ARSB: variants seen among roughly 807,000 people sequenced by gnomAD.
ARSB encodes the protein arylsulfatase B, also known as N-acetylgalactosamine-4-sulfatase.
A neutral mutation model predicts 50.9 loss-of-function variants in ARSB; 41 were observed. The observed-to-expected ratio is 0.81, with a 90% confidence interval of 0.63 to 1.04. The LOEUF (loss-of-function observed/expected upper bound fraction) is 1.04, where lower values mean the gene tolerates loss of function less well. Ranked by LOEUF, ARSB falls within the 50% of genes least tolerant of loss-of-function variation. The probability of loss-of-function intolerance (pLI) is 0.00; values close to 1 mark genes in which losing one functional copy is unlikely to be tolerated. For missense variants in ARSB, 672 were observed against 693.3 expected, an observed-to-expected ratio of 0.97 and a Z score of 0.35; for synonymous variants, 269 against 284.8, an observed-to-expected ratio of 0.94 and a Z score of 0.56.
At chr5:78,965,285 T>C (rs897368519) in intron 2 of ARSB, among the ~76,000 whole-genome samples, 9 of 137,850 alleles carry the variant, frequency 6.5e-5, no homozygotes, top group Non-Finnish European at 1.2e-4. Flanking sequence ...AAAATGGGTT[T>C]TCTCAAATAT....
intron 6 of ARSB, among the ~76,000 whole-genome samples, chr5:78,789,909 G>T (rs1189405732): frequency 6.6e-6 from 1 of 152,180 alleles, no homozygotes; most frequent in Admixed American, 6.5e-5. Context: ...GCTTCCCCAA[G>T]ACAGAAAGAA....
rs143089525 is a variant in ARSB at position 78,859,140 on chromosome 5, T to C, written c.1143-19714A>G. Among the ~76,000 whole-genome samples the C allele has an allele frequency of 3.8e-3, 575 of 152,226 alleles. 2 individuals carry two copies. Among genetic ancestry groups the C allele is most frequent in the Non-Finnish European group, 6.6e-3 (448 of 68,004 alleles). ...GCAGGTGATATTTGGTTTGTGTAAA[T>C]CCCATGCTTCCTGAAAAGCCATTTC... On this transcript the variant is annotated intron_variant, in intron 5 of 7. Coordinates refer to ENST00000264914, the MANE Select transcript of ARSB (RefSeq NM_000046.5).
intron 6 of ARSB, among the ~76,000 whole-genome samples, chr5:78,805,594 C>T (rs972173744): frequency 1.1e-4 from 17 of 152,164 alleles, no homozygotes; most frequent in Admixed American, 1.1e-3. Context: ...CTTCTCAGCA[C>T]TGGGTGTTTC....
At chr5:78,964,313 T>G in intron 3 of ARSB, 103 bp downstream of exon 3, 1 of 1,151,418 alleles carries the variant, frequency 8.7e-7, no homozygotes, top group Non-Finnish European at 1.3e-6. Context: ...TCCCTAGAAT[T>G]TATTAGATTT....
Position 78,893,766 on chromosome 5 carries a change from A to G in ARSB, c.899-7939T>C, listed in dbSNP as rs868676275. On this transcript the variant is annotated intron_variant, in intron 4 of 7. Coordinates refer to ENST00000264914, the MANE Select transcript of ARSB (RefSeq NM_000046.5). ...TCACTTAGGAGGTATGGGTAATGCA[A>G]GGTTTGATCTTCATATTCAGAATCC... Among the ~76,000 whole-genome samples, 16 of 152,340 alleles carry G rather than the reference A, an allele frequency of 1.1e-4. No individual in the cohort carries two copies. In the South Asian group the frequency reaches 2.9e-3, roughly 28 times the overall value.
At chr5:78,891,267 G>T (rs1017583705) in intron 4 of ARSB, among the ~76,000 whole-genome samples, 5 of 152,184 alleles carry the variant, frequency 3.3e-5, no homozygotes, top group African/African-American at 1.2e-4. Context: ...TCTACATACT[G>T]CTGCTTAAAC....
At position 78,899,745 on chromosome 5, in the gene ARSB, C is replaced by A. The variant is rs1312896395; in HGVS notation, c.899-13918G>T. ...GCTTTTCTGTATTATCTTGGAGATACCTGAGTTTCCTTAAAACTGCTATTT... is the reference window on the plus strand; with the variant it reads ...GCTTTTCTGTATTATCTTGGAGATAACTGAGTTTCCTTAAAACTGCTATTT... On this transcript the variant is annotated intron_variant, in intron 4 of 7. Transcript: ENST00000264914. 2.0e-5 allele frequency among the ~76,000 whole-genome samples: 3 copies of A among 152,146 alleles called. No homozygotes were observed. The East Asian group carries it at 5.8e-4, about 29-fold the overall frequency.
intron 5 of ARSB, among the ~76,000 whole-genome samples, chr5:78,845,445 A>G (rs1398950773): frequency 6.6e-6 from 1 of 151,978 alleles, no homozygotes; most frequent in Non-Finnish European, 1.5e-5. Context: ...TTTTTTGAGG[A>G]GCCTTCATAT....
At chr5:78,803,777 G>A (rs939917574) in intron 6 of ARSB, among the ~76,000 whole-genome samples, 1 of 152,258 alleles carries the variant, frequency 6.6e-6, no homozygotes, top group Non-Finnish European at 1.5e-5. Context: ...ATATAGTAAT[G>A]TATTCGTTTC....
intron 5 of ARSB, among the ~76,000 whole-genome samples, chr5:78,852,001 T>C (rs1004131010): frequency 6.6e-6 from 1 of 152,246 alleles, no homozygotes; most frequent in Admixed American, 6.5e-5. Context: ...TAATGGGTCT[T>C]GACTCTTTAT....
At chr5:78,925,651 T>TA (rs1750010206) in intron 4 of ARSB, among the ~76,000 whole-genome samples, 1 of 152,306 alleles carries the variant, frequency 6.6e-6, no homozygotes, top group African/African-American at 2.4e-5. Context: ...TTCAGAACAG[T>TA]ATGTTCTGTC....
chr5:78,933,286 G>A (rs904621712), intron 4 of ARSB, among the ~76,000 whole-genome samples: 17 of 152,130 alleles, frequency 1.1e-4, no homozygotes, highest in African/African-American at 3.9e-4. Flanking sequence ...AGCTTCCTAC[G>A]TATTTTTCTG....
intron 7 of ARSB, among the ~76,000 whole-genome samples, chr5:78,781,323 C>CTTTTTTTTTT (rs376851173): frequency 1.0e-3 from 77 of 75,356 alleles, no homozygotes; most frequent in East Asian, 2.3e-3. Context: ...CTCTCTCTCT[C>CTTTTTTTTTT]TTTTTTTTTT....
At chr5:78,976,124 C>T (rs965056288) in intron 1 of ARSB, among the ~76,000 whole-genome samples, 16 of 151,768 alleles carry the variant, frequency 1.1e-4, no homozygotes, top group Admixed American at 3.3e-4. Context: ...TGCCTCCAAG[C>T]GATATCAAGA....
At chr5:78,818,845 C>G (rs1048406549) in intron 6 of ARSB, among the ~76,000 whole-genome samples, 3 of 152,004 alleles carry the variant, frequency 2.0e-5, no homozygotes, top group Admixed American at 1.3e-4. Context: ...CCTTAAGCAA[C>G]CTTGCTCAAT....
intron 6 of ARSB, 54 bp from the exon 7 acceptor site, chr5:78,782,028 A>G (rs769394809): frequency 1.5e-5 from 24 of 1,610,850 alleles, no homozygotes; most frequent in Non-Finnish European, 2.0e-5. Flanking sequence ...ACGTGTTGTT[A>G]TAAATCAGCA....
chr5:78,959,181 T>G (rs563314882), intron 3 of ARSB, among the ~76,000 whole-genome samples: 127 of 152,244 alleles, frequency 8.3e-4, no homozygotes, highest in African/African-American at 2.7e-3. Context: ...TAAGGCGCTT[T>G]TCCCCCTTTG....
intron 5 of ARSB, among the ~76,000 whole-genome samples, chr5:78,844,268 T>C (rs1035169145): frequency 6.6e-6 from 1 of 152,216 alleles, no homozygotes; most frequent in African/African-American, 2.4e-5. Context: ...CTCATTGCGA[T>C]TTGATTTGCA....
intron 5 of ARSB, among the ~76,000 whole-genome samples, chr5:78,859,397 C>A (rs145157663): frequency 2.4e-3 from 365 of 152,248 alleles, no homozygotes; most frequent in African/African-American, 8.4e-3. Flanking sequence ...TTTTCCTATT[C>A]ATTACTAAAA....
Sources: gnomAD v4.1 joint callset for allele counts (sites outside exome capture counted in the v4.1 genomes callset) on GRCh38, gnomAD v4.1.1 for gene constraint, MANE v1.5 for transcripts, NCBI Gene and HGNC (gene_info 2026-07-23, HGNC 2026-07-21) for gene names.